Variants in PIK3R1 observed in about 807,000 individuals in gnomAD.
PIK3R1 encodes phosphatidylinositol 3-kinase regulatory subunit alpha.
PIK3R1 carries 29 observed loss-of-function variants against 98.0 expected under a neutral mutation model. The observed-to-expected ratio is 0.30, with a 90% CI of 0.22 to 0.40. The LOEUF is 0.40. PIK3R1 is among the 10% of genes least tolerant of loss of function. The pLI, the probability that PIK3R1 is intolerant of heterozygous loss-of-function variation, is 1.00. For missense variants in PIK3R1, 596 were observed against 872.7 expected (o/e 0.68, Z 3.99); for synonymous variants, 282 against 311.8 (o/e 0.90, Z 1.01).
intron 2 of PIK3R1, among the ~76,000 whole-genome samples, chr5:68,267,124 T>C (rs1746154761): frequency 6.6e-6 from 1 of 152,222 alleles, no homozygotes; most frequent in South Asian, 2.1e-4. Flanking sequence ...CCCATTTACA[T>C]CCTGCCTAGC....
intron 2 of PIK3R1, among the ~76,000 whole-genome samples, chr5:68,255,192 C>G (rs188225248): frequency 6.6e-6 from 1 of 152,202 alleles, no homozygotes; most frequent in Non-Finnish European, 1.5e-5. Context: ...TTGTTTCAGT[C>G]CCTGATTTGC....
intron 2 of PIK3R1, among the ~76,000 whole-genome samples, chr5:68,271,178 T>A (rs1042799014): frequency 6.6e-6 from 1 of 152,200 alleles, no homozygotes; most frequent in Admixed American, 6.5e-5. Flanking sequence ...AATCAGTATT[T>A]CTAGCACGTC....
At chr5:68,248,656 A>G (rs1745191882) in intron 2 of PIK3R1, among the ~76,000 whole-genome samples, 1 of 152,218 alleles carries the variant, frequency 6.6e-6, no homozygotes, top group Non-Finnish European at 1.5e-5. Flanking sequence ...TGTTTGGTCA[A>G]TTGTTTTGGC....
In PIK3R1 at chr5:68,297,538, G is replaced by A. The variant is rs1747794419; in HGVS notation, c.2112G>A (p.Val704=). 1 of 1,614,072 alleles carries A rather than the reference G, an allele frequency of 6.2e-7. No individual in the cohort carries two copies. Among genetic ancestry groups the A allele is most frequent in the Non-Finnish European group, 8.5e-7 (1 of 1,180,028 alleles). The change falls in exon 16 of 16, where the codon GTG becomes GTA. Residue 704 remains valine (V), a synonymous_variant. Transcript: ENST00000521381. ...TACATTACCAACACACCTCCCTTGT[G>A]CAGCACAACGACTCCCTCAATGTCA... ...LVLHYQHTSL[V]QHNDSLNVTL...
chr5:68,279,839 T>C (rs1746752577), intron 5 of PIK3R1, 106 bp downstream of exon 5: 3 of 1,090,358 alleles, frequency 2.8e-6, no homozygotes. Context: ...ATAGTAGTAA[T>C]AACCTGTCCC....
At chr5:68,231,004 C>T (rs1168918722) in intron 2 of PIK3R1, among the ~76,000 whole-genome samples, 1 of 152,152 alleles carries the variant, frequency 6.6e-6, no homozygotes, top group Admixed American at 6.5e-5. Flanking sequence ...GGCATCCCAT[C>T]CCGCTACACC....
intron 2 of PIK3R1, among the ~76,000 whole-genome samples, chr5:68,264,139 T>C (rs184399413): frequency 2.0e-4 from 31 of 152,286 alleles, no homozygotes; most frequent in South Asian, 8.3e-4. Context: ...AGAAAATATT[T>C]AATAAATGCT....
At chr5:68,274,054 G>A in intron 4 of PIK3R1, 41 bp downstream of exon 4, 3 of 1,487,116 alleles carry the variant, frequency 2.0e-6, no homozygotes, top group Non-Finnish European at 2.8e-6. Flanking sequence ...GGAAAGACAG[G>A]TCTTGGCTTT....
Position 68,301,552 on chromosome 5 carries a change from G to GTAT in PIK3R1, c.*3953_*3955dup, listed in dbSNP as rs779104278. On this transcript the variant is annotated 3_prime_UTR_variant, in exon 16 of 16. Transcript: ENST00000521381. ...CAAAAAAAAACTCATTTATACCTGTGTATTTTTTAAAGCTACAATCTGTTC... is the reference window on the plus strand; with the variant it reads ...CAAAAAAAAACTCATTTATACCTGTGTATTATTTTTTAAAGCTACAATCTGTTC... 4.2e-4 allele frequency: 66 copies of GTAT among 156,018 alleles called. No homozygotes were observed. The highest frequency in any genetic ancestry group is 7.2e-4 in the Non-Finnish European group (52 of 72,040). 9.7% of individuals were successfully genotyped at this position (156,018 alleles called of 1,614,324 possible). A position where few individuals can be genotyped will look rare whatever the true frequency, so the allele number is the denominator to read the frequency against.
intron 2 of PIK3R1, among the ~76,000 whole-genome samples, chr5:68,262,403 TACACACACGCACACACACACATACACTAC>T (rs1745797432): frequency 1.4e-5 from 2 of 140,612 alleles, no homozygotes; most frequent in Non-Finnish European, 3.1e-5. Context: ...TATATATATA[TACACACACGCACACACACACATACACTAC>T]ATATATATGT....
chr5:68,239,035 CTTAAGAA>C (rs1355593516), intron 2 of PIK3R1, among the ~76,000 whole-genome samples: 1 of 150,840 alleles, frequency 6.6e-6, no homozygotes, highest in East Asian at 1.9e-4. Context: ...AAGATGGTGA[CTTAAGAA>C]CTTACTGAGC....
intron 2 of PIK3R1, among the ~76,000 whole-genome samples, chr5:68,265,168 C>T (rs56352616): frequency 0.25 from 37,600 of 152,040 alleles, 5,310 homozygotes; most frequent in African/African-American, 0.39. Flanking sequence ...TCCCAGACTG[C>T]ACCCCGACCT....
At chr5:68,278,400 C>G (rs77948976) in intron 4 of PIK3R1, among the ~76,000 whole-genome samples, 1,968 of 152,286 alleles carry the variant, frequency 0.013, 21 homozygotes, top group Middle Eastern at 0.017. Flanking sequence ...GAATCCATCA[C>G]TCTGTTGGTG....
rs145798596 is a variant in PIK3R1, at chr5:68,264,926, G to A, written c.335-8464G>A. ...ATTTGATATGATAGCTAGACCCGCC[G>A]GTCCGTCAGTATCATTTGGGGTCTG... On this transcript the variant is annotated intron_variant, in intron 2 of 15. Transcript: ENST00000521381. Among the ~76,000 whole-genome samples the A allele has an allele frequency of 3.1e-4, 47 of 152,250 alleles. No individual in the cohort carries two copies. The East Asian group carries it at 7.9e-3, about 26-fold the overall frequency.
chr5:68,292,450 T>A (rs776489863), intron 8 of PIK3R1, 89 bp downstream of exon 8: 23 of 1,437,146 alleles, frequency 1.6e-5, no homozygotes, highest in East Asian at 1.6e-4. Context: ...TAGGATATCA[T>A]CCAACATAAG....
intron 7 of PIK3R1, among the ~76,000 whole-genome samples, chr5:68,287,080 C>T (rs1747108465): frequency 6.6e-6 from 1 of 152,182 alleles, no homozygotes; most frequent in African/African-American, 2.4e-5. Flanking sequence ...TTTCAAGTAA[C>T]CCTGAAGCTA....
chr5:68,272,903 G>A (rs1482580639), intron 2 of PIK3R1, among the ~76,000 whole-genome samples: 1 of 152,178 alleles, frequency 6.6e-6, no homozygotes, highest in African/African-American at 2.4e-5. Flanking sequence ...CATGTCAACT[G>A]TTCAATAAAA....
At chr5:68,231,150 A>C (rs966494076) in intron 2 of PIK3R1, among the ~76,000 whole-genome samples, 3 of 152,200 alleles carry the variant, frequency 2.0e-5, no homozygotes, top group Admixed American at 2.0e-4. Flanking sequence ...GCTATTTCTC[A>C]AGACAGTGGT....
intron 2 of PIK3R1, among the ~76,000 whole-genome samples, chr5:68,257,957 G>C (rs1745589760): frequency 6.6e-6 from 1 of 152,224 alleles, no homozygotes; most frequent in Admixed American, 6.5e-5. Context: ...TTTATGCTTA[G>C]AGAAAACAAT....
Sources: allele counts gnomAD v4.1 joint callset (sites outside exome capture counted in the v4.1 genomes callset), GRCh38; gene constraint gnomAD v4.1.1; transcripts MANE v1.5; gene names NCBI Gene and HGNC (gene_info 2026-07-23, HGNC 2026-07-21).